MTOR: variants seen among roughly 807,000 people sequenced by gnomAD.
MTOR encodes the protein mechanistic target of rapamycin kinase.
In MTOR, 70 loss-of-function variants were observed where a neutral mutation model predicts 319.8. That is an observed-to-expected ratio of 0.22 (90% CI 0.18 to 0.27). MTOR has a LOEUF of 0.27. Among genes scored for constraint, MTOR ranks in the 10% least tolerant of loss-of-function variants. MTOR has a pLI of 1.00. For missense variants in MTOR, 1,890 were observed against 3,274.4 expected, an observed-to-expected ratio of 0.58 and a Z score of 10.32; for synonymous variants, 1,183 against 1,211.4, an observed-to-expected ratio of 0.98 and a Z score of 0.49.
intron 56 of MTOR, among the ~76,000 whole-genome samples, chr1:11,108,874 G>C (rs1439294904): frequency 1.3e-5 from 2 of 151,998 alleles, no homozygotes; most frequent in Non-Finnish European, 2.9e-5. Flanking sequence ...TGTAATCCCA[G>C]CTACTCGGGA....
chr1:11,168,594 G>A (rs1644718782), intron 28 of MTOR, among the ~76,000 whole-genome samples: 1 of 152,156 alleles, frequency 6.6e-6, no homozygotes. Flanking sequence ...CTTTGCAGAA[G>A]GCTGCCAAGG....
intron 56 of MTOR, among the ~76,000 whole-genome samples, chr1:11,108,886 G>T (rs1641714852): frequency 6.6e-6 from 1 of 151,626 alleles, no homozygotes; most frequent in Non-Finnish European, 1.5e-5. Context: ...TACTCGGGAG[G>T]CTGAGGCAGG....
intron 13 of MTOR, among the ~76,000 whole-genome samples, chr1:11,236,762 C>A (rs368867957): frequency 9.2e-5 from 14 of 151,868 alleles, no homozygotes; most frequent in African/African-American, 3.1e-4. Flanking sequence ...CTGGCCACCT[C>A]GGCCTCCCAA....
In MTOR at chr1:11,128,305, C is replaced by G. The variant is rs1642948877; in HGVS notation, c.5910+149G>C. 9.8e-6 allele frequency: 12 copies of G among 1,218,932 alleles called. No homozygotes were observed. Among genetic ancestry groups the G allele is most frequent in the Non-Finnish European group, 1.3e-5 (11 of 867,886 alleles). 75.5% of individuals were successfully genotyped at this position (1,218,932 alleles called of 1,614,324 possible). ...TTCTTTTTAGCAAGGCTCCCGGGCC[C>G]TCTGGGACGGCTGGCTGGACAGACC... On this transcript the variant is annotated intron_variant, in intron 42 of 57. Transcript: ENST00000361445. The surrounding 1 kb of genome is among the most constrained non-coding windows in gnomAD (Gnocchi z 5.3).
chr1:11,213,536 T>G lies in MTOR; in HGVS notation c.3148A>C (p.Ser1050Arg). 6.2e-7 allele frequency: 1 copy of G among 1,614,098 alleles called. No homozygotes were observed. Among genetic ancestry groups the G allele is most frequent in the Non-Finnish European group, 8.5e-7 (1 of 1,180,018 alleles). The change falls in exon 21 of 58, where the codon AGC becomes CGC. Residue 1050 changes from serine (S) to arginine (R), a missense_variant. Ser to Arg is a moderately radical substitution (Grantham distance 110, BLOSUM62 -1). Coordinates refer to ENST00000361445, the MANE Select transcript of MTOR (RefSeq NM_004958.4). The part of the protein sequence containing the change: ...EFWVMNTSIQ[S>R]TIILLIEQIV... ...TGCTCAATGAGAAGAATGATCGTGC[T>G]CTGAATTGAGGTGTTCATGACCCAG...
rs769021335 is a variant in MTOR at position 11,121,752 on chromosome 1, T to C, written c.6810+227A>G. Among the ~76,000 whole-genome samples the C allele has an allele frequency of 6.6e-5, 10 of 152,230 alleles. No individual in the cohort carries two copies. The highest frequency in any genetic ancestry group is 1.3e-4 in the Non-Finnish European group (9 of 68,040). On this transcript the variant is annotated intron_variant, in intron 48 of 57. Coordinates refer to ENST00000361445, the MANE Select transcript of MTOR (RefSeq NM_004958.4). This position sits in a 1 kb window ranked among gnomAD's most constrained non-coding sequence, Gnocchi z 4.9. ...GTAAATATATGGTGCCGAATATTTA[T>C]CTGTCTAGTCTTCCCTAGGATGGTG...
Position 11,130,738 on chromosome 1 carries a change from G to A in MTOR, c.5404C>T (p.Leu1802=), listed in dbSNP as rs2100432905. 6.3e-7 allele frequency: 1 copy of A among 1,586,364 alleles called. No individual in the cohort carries two copies. Among genetic ancestry groups the A allele is most frequent in the Non-Finnish European group, 8.6e-7 (1 of 1,165,740 alleles). Residue 1802 remains leucine (L), a synonymous_variant, in exon 39 of 58, where the codon CTA becomes TTA. Transcript: ENST00000361445. ...AWAVMNFEAV[L]HYKHQNQARD... The stretch of plus-strand genomic sequence containing the variant: ...GCTTGGTTCTGATGTTTGTAGTGTA[G>A]CACAGCTTCGAAGTTCATCACTGCC...
At chr1:11,254,055 G>T (rs1448303841) in intron 5 of MTOR, 82 bp from the exon 6 acceptor site, 1 of 1,550,580 alleles carries the variant, frequency 6.4e-7, no homozygotes, top group African/African-American at 1.4e-5. Flanking sequence ...CTACACTGGG[G>T]GTTCTGAGGT....
At chr1:11,168,051 C>G (rs1371309991) in intron 28 of MTOR, among the ~76,000 whole-genome samples, 2 of 147,480 alleles carry the variant, frequency 1.4e-5, no homozygotes, top group African/African-American at 5.0e-5. Context: ...GCCTGGGGGA[C>G]AGAGTGAGAC....
At chr1:11,255,169 G>A (rs183058122) in intron 5 of MTOR, among the ~76,000 whole-genome samples, 410 of 151,876 alleles carry the variant, frequency 2.7e-3, no homozygotes, top group Non-Finnish European at 5.1e-3. Context: ...TGGATCATGA[G>A]GTCAAGAGAT....
chr1:11,117,184 C>A, intron 49 of MTOR, 98 bp from the exon 50 acceptor site: 2 of 982,598 alleles, frequency 2.0e-6, no homozygotes, highest in South Asian at 1.7e-5. Context: ...CTTTTGAGAC[C>A]GAGTCTCGCT....
chr1:11,214,671 A>C (rs1167484220), intron 20 of MTOR, among the ~76,000 whole-genome samples: 1 of 152,204 alleles, frequency 6.6e-6, no homozygotes, highest in Non-Finnish European at 1.5e-5. Flanking sequence ...ATGGTTTAGA[A>C]AGCAAAAACT....
chr1:11,143,630 G>C (rs1643813956), intron 34 of MTOR, among the ~76,000 whole-genome samples: 1 of 152,174 alleles, frequency 6.6e-6, no homozygotes, highest in South Asian at 2.1e-4. Flanking sequence ...CCTGTCCAGG[G>C]GAATGTGCCC....
At chr1:11,213,288 T>C in intron 21 of MTOR, 111 bp downstream of exon 21, 2 of 1,143,972 alleles carry the variant, frequency 1.7e-6, no homozygotes, top group South Asian at 1.5e-5. Context: ...TTCTGTCTTA[T>C]GGAATGGGCA....
chr1:11,239,192 T>G (rs1271157334), intron 11 of MTOR, among the ~76,000 whole-genome samples: 1 of 152,112 alleles, frequency 6.6e-6, no homozygotes, highest in Admixed American at 6.6e-5. Flanking sequence ...CTTTTTATAT[T>G]CCCTTTAAAT....
intron 36 of MTOR, among the ~76,000 whole-genome samples, chr1:11,138,160 A>G (rs1643517901): frequency 6.6e-6 from 1 of 152,234 alleles, no homozygotes; most frequent in African/African-American, 2.4e-5. Context: ...TAGGCAAGAC[A>G]GTCAAAGACT....
chr1:11,231,158 C>T, intron 17 of MTOR, 104 bp from the exon 18 acceptor site: 4 of 1,590,290 alleles, frequency 2.5e-6, no homozygotes, highest in Non-Finnish European at 3.4e-6. Context: ...AGTTCATATC[C>T]AAATGACCAG....
At chr1:11,257,838 G>A (rs1056868552) in intron 3 of MTOR, among the ~76,000 whole-genome samples, 1 of 152,096 alleles carries the variant, frequency 6.6e-6, no homozygotes, top group Non-Finnish European at 1.5e-5. Context: ...GGCCAGTTGT[G>A]GTGGCTCACA....
At chr1:11,194,101 A>G (rs1423973831) in intron 28 of MTOR, among the ~76,000 whole-genome samples, 1 of 152,008 alleles carries the variant, frequency 6.6e-6, no homozygotes, top group East Asian at 1.9e-4. Context: ...AATCTTACTG[A>G]TACTGTTTGG....
Sources: gnomAD v4.1 joint callset for allele counts (sites outside exome capture counted in the v4.1 genomes callset) on GRCh38, gnomAD v4.1.1 for gene constraint, Gnocchi (gnomAD v3.1) non-coding constraint, MANE v1.5 for transcripts, NCBI Gene and HGNC (gene_info 2026-07-23, HGNC 2026-07-21) for gene names.